The following WWTR1 variants were observed in gnomAD, a reference collection of about 807,000 sequenced individuals.
The protein encoded by WWTR1 is WW domain-containing transcription regulator protein 1.
In WWTR1, 13 loss-of-function variants were observed where a neutral mutation model predicts 40.1. The ratio of observed to expected loss-of-function variants is 0.32; its 90% CI spans 0.21 to 0.52. The LOEUF (loss-of-function observed/expected upper bound fraction) is 0.52. WWTR1 is among the 20% of genes least tolerant of loss of function. The pLI is 0.97. For missense variants in WWTR1, 436 were observed against 523.1 expected, an observed-to-expected ratio of 0.83 and a Z score of 1.63; for synonymous variants, 230 against 210.1, an observed-to-expected ratio of 1.09 and a Z score of -0.82.
At chr3:149,670,109 A>T (rs1412657534) in intron 1 of WWTR1, among the ~76,000 whole-genome samples, 1 of 152,206 alleles carries the variant, frequency 6.6e-6, no homozygotes, top group Non-Finnish European at 1.5e-5. Flanking sequence ...GCTGGGCTCA[A>T]CCCTTGGTAG....
At chr3:149,628,079 A>C (rs1472472428) in intron 2 of WWTR1, among the ~76,000 whole-genome samples, 1 of 151,552 alleles carries the variant, frequency 6.6e-6, no homozygotes, top group Non-Finnish European at 1.5e-5. Context: ...GTCTCGAAAA[A>C]AAAAAAAAAA....
chr3:149,547,631 C>T (rs1364971850), intron 3 of WWTR1, among the ~76,000 whole-genome samples: 1 of 152,118 alleles, frequency 6.6e-6, no homozygotes, highest in Non-Finnish European at 1.5e-5. Context: ...CTAAAGACCT[C>T]GTCAGCTCTA....
intron 2 of WWTR1, among the ~76,000 whole-genome samples, chr3:149,578,368 T>A (rs1737986932): frequency 1.3e-5 from 2 of 152,192 alleles, no homozygotes; most frequent in African/African-American, 4.8e-5. Context: ...GGGAATATTA[T>A]GACCACCAAA....
intron 2 of WWTR1, among the ~76,000 whole-genome samples, chr3:149,619,014 G>C (rs1413319007): frequency 6.6e-6 from 1 of 152,160 alleles, no homozygotes; most frequent in Non-Finnish European, 1.5e-5. Flanking sequence ...CAAGATAAAC[G>C]TGCCATTCTG....
chr3:149,575,899 C>A (rs1272301674), intron 2 of WWTR1: 4 of 449,808 alleles, frequency 8.9e-6, no homozygotes, highest in Admixed American at 7.1e-5. Context: ...ACCGAGCTTA[C>A]CCATGGCTTG....
At chr3:149,533,115 T>G (rs550825093) in intron 4 of WWTR1, among the ~76,000 whole-genome samples, 60 of 152,280 alleles carry the variant, frequency 3.9e-4, no homozygotes, top group Non-Finnish European at 8.1e-4. Context: ...ACAGATCCCT[T>G]CCAGGGTCCC....
chr3:149,525,850 C>T (rs749340105), intron 6 of WWTR1, 163 bp downstream of exon 6: 18 of 423,380 alleles, frequency 4.3e-5, no homozygotes, highest in African/African-American at 8.2e-5. Context: ...TCCCAAACCC[C>T]GGCATCACAT....
intron 1 of WWTR1, among the ~76,000 whole-genome samples, chr3:149,694,292 G>T (rs1385754949): frequency 6.6e-6 from 1 of 152,190 alleles, no homozygotes; most frequent in Non-Finnish European, 1.5e-5. Flanking sequence ...TACTCAGGAG[G>T]CTGAGGAAGG....
chr3:149,673,533 G>A (rs1024688296), intron 1 of WWTR1, among the ~76,000 whole-genome samples: 3 of 152,190 alleles, frequency 2.0e-5, no homozygotes, highest in Non-Finnish European at 4.4e-5. Context: ...GTGAAAATTT[G>A]GTATGTGCTT....
rs964900995 is a variant in WWTR1 at position 149,548,508 on chromosome 3, C to A, written c.569-5971G>T. On this transcript the variant is annotated intron_variant, in intron 3 of 6. Transcript: ENST00000360632. ...GTTACACACATACACATATACAATG[C>A]CAAGTGAAGAAAACAAAACCATAAG... Among the ~76,000 whole-genome samples the A allele has an allele frequency of 3.3e-5, 5 of 152,260 alleles. No homozygotes were observed. The South Asian group carries it at 1.0e-3, about 32-fold the overall frequency.
intron 2 of WWTR1, among the ~76,000 whole-genome samples, chr3:149,655,652 A>G (rs989661134): frequency 1.3e-5 from 2 of 152,002 alleles, no homozygotes; most frequent in African/African-American, 4.8e-5. Flanking sequence ...CAACAAAAGA[A>G]CTCCTTGGAC....
intron 1 of WWTR1, among the ~76,000 whole-genome samples, chr3:149,685,617 G>T (rs888655116): frequency 1.3e-5 from 2 of 152,156 alleles, no homozygotes; most frequent in Non-Finnish European, 1.5e-5. Context: ...GAATCATTTT[G>T]TAATCCTCCC....
chr3:149,557,310 G>T (rs1391474275), intron 3 of WWTR1, among the ~76,000 whole-genome samples: 1 of 152,020 alleles, frequency 6.6e-6, no homozygotes, highest in Non-Finnish European at 1.5e-5. Flanking sequence ...GACCTCAGCT[G>T]ATCCGCCCGC....
At chr3:149,542,069 T>C (rs1736129359) in intron 4 of WWTR1, among the ~76,000 whole-genome samples, 1 of 152,210 alleles carries the variant, frequency 6.6e-6, no homozygotes, top group Admixed American at 6.5e-5. Flanking sequence ...TACTTTCTCC[T>C]TTCTCTCCTT....
chr3:149,518,891 A>G lies in WWTR1; in HGVS notation c.*1914T>C, dbSNP rs764344843. The G allele has an allele frequency of 7.3e-5, 11 of 151,720 alleles. No homozygotes were observed. The highest frequency in any genetic ancestry group is 3.4e-3 in the Middle Eastern group (1 of 294). 9.4% of individuals were successfully genotyped at this position (151,720 alleles called of 1,614,324 possible). A position where few individuals can be genotyped will look rare whatever the true frequency, so the allele number is the denominator to read the frequency against. Reference sequence around the variant, plus strand: ...ATAACTTGTCTCTTTCCATTTCACAACTAGTATCCTTTCCACGATATTCCA... The same window carrying G: ...ATAACTTGTCTCTTTCCATTTCACAGCTAGTATCCTTTCCACGATATTCCA... On this transcript the variant is annotated 3_prime_UTR_variant, in exon 7 of 7. Coordinates refer to ENST00000360632, the MANE Select transcript of WWTR1 (RefSeq NM_015472.6).
chr3:149,549,740 G>A (rs543492623), intron 3 of WWTR1, among the ~76,000 whole-genome samples: 2 of 152,248 alleles, frequency 1.3e-5, no homozygotes, highest in Admixed American at 6.5e-5. Flanking sequence ...TTGGGAGGCT[G>A]GGGCAGGAGG....
At chr3:149,536,484 G>GT (rs1340828739) in intron 4 of WWTR1, among the ~76,000 whole-genome samples, 2 of 139,114 alleles carry the variant, frequency 1.4e-5, no homozygotes, top group African/African-American at 5.6e-5. Context: ...AAAAAAAAAG[G>GT]GGGGGGCCTC....
At chr3:149,690,953 C>G (rs9824529) in intron 1 of WWTR1, among the ~76,000 whole-genome samples, 44,427 of 152,072 alleles carry the variant, frequency 0.29, 7,999 homozygotes, top group Middle Eastern at 0.5. Flanking sequence ...ACTTTGAAAA[C>G]TATATAAACA....
rs183026543 is a variant in WWTR1 at position 149,530,878 on chromosome 3, C to T, written c.772-2909G>A. 1.0e-3 allele frequency among the ~76,000 whole-genome samples: 159 copies of T among 152,034 alleles called. 1 individual carries two copies. Among genetic ancestry groups the T allele is most frequent in the African/African-American group, 3.6e-3 (149 of 41,470 alleles). On this transcript the variant is annotated intron_variant, in intron 4 of 6. Coordinates refer to ENST00000360632, the MANE Select transcript of WWTR1 (RefSeq NM_015472.6). Reference sequence around the variant, plus strand: ...GGCTCACAGTATCATTTTCTACCTTCAACTGACTAACAAATAAGAGAAAAA... The same window carrying T: ...GGCTCACAGTATCATTTTCTACCTTTAACTGACTAACAAATAAGAGAAAAA...
Sources: allele counts gnomAD v4.1 joint callset (sites outside exome capture counted in the v4.1 genomes callset), GRCh38; gene constraint gnomAD v4.1.1; transcripts MANE v1.5; gene names NCBI Gene and HGNC (gene_info 2026-07-23, HGNC 2026-07-21).